Variants in FAM177A1 observed in about 807,000 individuals in gnomAD.
The protein encoded by FAM177A1 is family with sequence similarity 177 member A1, also known as protein FAM177A1.
A neutral mutation model predicts 26.1 loss-of-function variants in FAM177A1; 22 were observed. The observed-to-expected ratio is 0.84, with a 90% CI of 0.60 to 1.20. The LOEUF (loss-of-function observed/expected upper bound fraction) is 1.20. Ranked by LOEUF, FAM177A1 falls within the 50% of genes most tolerant of loss-of-function variation. FAM177A1 has a pLI of 0.00. For synonymous variants in FAM177A1, 95 were observed against 99.3 expected (o/e 0.96, Z 0.26); for missense variants, 296 against 291.1 (o/e 1.02, Z -0.12).
chr14:35,049,599 C>T (rs565437495), intron 1 of FAM177A1, among the ~76,000 whole-genome samples: 2 of 152,202 alleles, frequency 1.3e-5, no homozygotes, highest in South Asian at 2.1e-4. Flanking sequence ...GCCTGGCCAA[C>T]GTGATGAAAC....
chr14:35,048,459 CCCA>C (rs2044910404), intron 1 of FAM177A1, among the ~76,000 whole-genome samples: 1 of 151,732 alleles, frequency 6.6e-6, no homozygotes, highest in African/African-American at 2.4e-5. Context: ...ACAGGAATAC[CCCA>C]CCACCACCCT....
chr14:35,058,817 A>G (rs58770366), intron 2 of FAM177A1, among the ~76,000 whole-genome samples: 39,482 of 152,104 alleles, frequency 0.26, 5,327 homozygotes, highest in East Asian at 0.41. Flanking sequence ...TTGAGGCTGC[A>G]GTGAACTGGG....
At chr14:35,064,561 A>G (rs976752951) in intron 2 of FAM177A1, among the ~76,000 whole-genome samples, 6 of 152,228 alleles carry the variant, frequency 3.9e-5, no homozygotes, top group African/African-American at 1.4e-4. Flanking sequence ...AAGAATTTAT[A>G]CTTAGGAAAT....
Position 35,081,281 on chromosome 14 carries a change from A to C in FAM177A1, c.*53A>C. 2.0e-6 allele frequency: 3 copies of C among 1,517,128 alleles called. No homozygotes were observed. The South Asian group carries it at 3.8e-5, about 19-fold the overall frequency. 94.0% of individuals were successfully genotyped at this position (1,517,128 alleles called of 1,614,324 possible). The stretch of plus-strand genomic sequence containing the variant: ...CTTAAGTTTTTTTTTTTTAATACAA[A>C]AACTTTCACATTCTTTATTCAGTGG... On this transcript the variant is annotated 3_prime_UTR_variant, in exon 5 of 5. Coordinates refer to ENST00000280987, the MANE Select transcript of FAM177A1 (RefSeq NM_173607.5).
chr14:35,046,009 C>G (rs2044853316), upstream of FAM177A1: 1 of 153,840 alleles, frequency 6.5e-6, no homozygotes, highest in South Asian at 2.0e-4. Flanking sequence ...CATCACTAGC[C>G]TTTGAAGTAC....
At chr14:35,070,246 G>C (rs573558994) in intron 2 of FAM177A1, among the ~76,000 whole-genome samples, 1 of 149,386 alleles carries the variant, frequency 6.7e-6, no homozygotes, top group South Asian at 2.1e-4. Context: ...GGATGATCTC[G>C]ATCTCCTGAC....
upstream of FAM177A1, chr14:35,045,331 T>C (rs900335475): frequency 2.6e-5 from 4 of 152,194 alleles, no homozygotes; most frequent in African/African-American, 9.7e-5. Context: ...TTTGGTTTTG[T>C]TTTTAGGTTC....
intron 2 of FAM177A1, among the ~76,000 whole-genome samples, chr14:35,065,372 T>C (rs923095000): frequency 1.3e-4 from 19 of 150,850 alleles, no homozygotes; most frequent in African/African-American, 4.1e-4. Context: ...TTTTTTTTTT[T>C]TTTTTGCTAG....
In FAM177A1 at chr14:35,046,332, G is replaced by A; in HGVS notation, c.-132G>A. The A allele has an allele frequency of 8.9e-7, 1 of 1,121,544 alleles. No individual in the cohort carries two copies. 69.5% of individuals were successfully genotyped at this position (1,121,544 alleles called of 1,614,324 possible). ...CGGCGGGCTAGGCGAGGCGCGGGCT[G>A]GCCCCGCCCCTCAGGCCGGCGAGTC... On this transcript the variant is annotated 5_prime_UTR_variant, in exon 1 of 5. Coordinates refer to ENST00000280987, the MANE Select transcript of FAM177A1 (RefSeq NM_173607.5).
At chr14:35,063,419 A>G (rs1420897661) in intron 2 of FAM177A1, among the ~76,000 whole-genome samples, 2 of 151,374 alleles carry the variant, frequency 1.3e-5, no homozygotes, top group Non-Finnish European at 2.9e-5. Context: ...TAAAAAAAAA[A>G]TACAAAAAAT....
chr14:35,058,596 C>G (rs1165957346), intron 2 of FAM177A1, among the ~76,000 whole-genome samples: 1 of 152,134 alleles, frequency 6.6e-6, no homozygotes, highest in Non-Finnish European at 1.5e-5. Context: ...TATTTTAGGT[C>G]TGGCATGGTG....
chr14:35,058,992 G>A (rs1336024994), intron 2 of FAM177A1, among the ~76,000 whole-genome samples: 1 of 152,118 alleles, frequency 6.6e-6, no homozygotes, highest in Non-Finnish European at 1.5e-5. Flanking sequence ...CTGGACTGCA[G>A]TGGCATGATC....
Position 35,048,497 on chromosome 14 carries a change from G to T in FAM177A1, c.165+1869G>T, listed in dbSNP as rs1263458081. 2.0e-5 allele frequency among the ~76,000 whole-genome samples: 3 copies of T among 150,692 alleles called. No individual in the cohort carries two copies. The South Asian group carries it at 6.3e-4, about 32-fold the overall frequency. On this transcript the variant is annotated intron_variant, in intron 1 of 4. Transcript: ENST00000280987. Reference sequence around the variant, plus strand: ...TTTCTTCATGTTCTCATTCCCCAAAGGTAACTATTAAGTTTTGGTGTAGTC... The same window carrying T: ...TTTCTTCATGTTCTCATTCCCCAAATGTAACTATTAAGTTTTGGTGTAGTC...
intron 2 of FAM177A1, among the ~76,000 whole-genome samples, chr14:35,064,386 C>T (rs1170636306): frequency 2.6e-5 from 4 of 151,924 alleles, no homozygotes; most frequent in Admixed American, 6.6e-5. Flanking sequence ...GACTTTGTCT[C>T]GAAAACAAAC....
chr14:35,076,358 C>T lies in FAM177A1; in HGVS notation c.340-792C>T, dbSNP rs1389458303. On this transcript the variant is annotated intron_variant, in intron 2 of 4. Coordinates refer to ENST00000280987, the MANE Select transcript of FAM177A1 (RefSeq NM_173607.5). ...ATTGCAAGGACAGAAAACCAAACAC[C>T]GCATGTTCTCACTCTTAGGTGGGAA... 5.3e-5 allele frequency among the ~76,000 whole-genome samples: 8 copies of T among 151,940 alleles called. No homozygotes were observed. The South Asian group carries it at 1.2e-3, about 24-fold the overall frequency.
In FAM177A1 at chr14:35,082,925, T is replaced by A. The variant is rs2045508408; in HGVS notation, c.*1697T>A. 1 of 152,164 alleles carries A rather than the reference T, an allele frequency of 6.6e-6. No homozygotes were observed. The highest frequency in any genetic ancestry group is 6.5e-5 in the Admixed American group (1 of 15,274). The allele number at this position is 152,164 out of a possible 1,614,324, so 9.4% of individuals were successfully genotyped here. On this transcript the variant is annotated 3_prime_UTR_variant, in exon 5 of 5. Transcript: ENST00000280987. ...GGATTCATGGAATGGTGGTTCATAG[T>A]AAGTGATGGTAATCTTTTTATTCAT...
In FAM177A1 at chr14:35,065,354, A is replaced by T. The variant is rs1379523370; in HGVS notation, c.340-11796A>T. 2.8e-5 allele frequency among the ~76,000 whole-genome samples: 4 copies of T among 142,948 alleles called. No homozygotes were observed. In the Admixed American group the frequency reaches 2.8e-4, roughly 10 times the overall value. 93.8% of individuals were successfully genotyped at this position (142,948 alleles called of 152,430 possible). A position where few individuals can be genotyped will look rare whatever the true frequency, so the allele number is the denominator to read the frequency against. ...AGCCACTCAGGAGATTTTTCCATTG[A>T]ATCTTTTTTTTTTTTTTTTTTTTGC... On this transcript the variant is annotated intron_variant, in intron 2 of 4. Transcript: ENST00000280987.
At chr14:35,073,104 G>A (rs1389625249) in intron 2 of FAM177A1, among the ~76,000 whole-genome samples, 7 of 151,786 alleles carry the variant, frequency 4.6e-5, no homozygotes, top group South Asian at 2.1e-4. Context: ...ACGGAGTCTC[G>A]CTGTCACCCA....
At chr14:35,056,117 C>G (rs1033028259) in intron 2 of FAM177A1, among the ~76,000 whole-genome samples, 4 of 152,098 alleles carry the variant, frequency 2.6e-5, no homozygotes, top group African/African-American at 9.7e-5. Context: ...TTACTGCAAC[C>G]TCTGCCTCCC....
Sources: gnomAD v4.1 joint callset for allele counts (sites outside exome capture counted in the v4.1 genomes callset) on GRCh38, gnomAD v4.1.1 for gene constraint, MANE v1.5 for transcripts, NCBI Gene and HGNC (gene_info 2026-07-23, HGNC 2026-07-21) for gene names.